Variants in ADAM23 observed in about 807,000 individuals in gnomAD.
ADAM23 encodes ADAM metallopeptidase domain 23.
In ADAM23, 33 loss-of-function variants were observed where a neutral mutation model predicts 120.1. The ratio of observed to expected loss-of-function variants is 0.27; its 90% confidence interval spans 0.21 to 0.37. ADAM23 has a LOEUF of 0.37. Among genes scored for constraint, ADAM23 ranks in the 10% least tolerant of loss-of-function variants. ADAM23 has a pLI of 1.00. For missense variants in ADAM23, 862 were observed against 1,058.2 expected (o/e 0.81, Z 2.57); for synonymous variants, 367 against 375.2 (o/e 0.98, Z 0.25).
In ADAM23 at chr2:206,444,011, G is replaced by T. The variant is rs1025437596; in HGVS notation, c.145G>T (p.Val49Phe). 2.1e-6 allele frequency: 3 copies of T among 1,408,394 alleles called. No individual in the cohort carries two copies. The highest frequency in any genetic ancestry group is 2.5e-5 in the Admixed American group (1 of 40,084). 87.2% of individuals were successfully genotyped at this position (1,408,394 alleles called of 1,614,324 possible). ...ARTPPCRLLL[V>F]LLLLPPLAAS... ...CACGCCGCCCTGCCGCCTGCTTCTCGTCCTTCTCCTGCTGCCTCCGCTCGC... is the reference window on the plus strand; with the variant it reads ...CACGCCGCCCTGCCGCCTGCTTCTCTTCCTTCTCCTGCTGCCTCCGCTCGC... Residue 49 changes from valine (V) to phenylalanine (F), a missense_variant, in exon 1 of 26, where the codon GTC (valine) becomes TTC (phenylalanine). By Grantham distance (50) the Val-to-Phe change is conservative. Coordinates refer to ENST00000264377, the MANE Select transcript of ADAM23 (RefSeq NM_003812.4).
At position 206,455,973 on chromosome 2, in the gene ADAM23, C is replaced by T. The variant is rs565274805; in HGVS notation, c.432+10449C>T. 3.3e-5 allele frequency among the ~76,000 whole-genome samples: 5 copies of T among 152,282 alleles called. No individual in the cohort carries two copies. In the South Asian group the frequency reaches 1.0e-3, roughly 32 times the overall value. On this transcript the variant is annotated intron_variant, in intron 2 of 25. Coordinates refer to ENST00000264377, the MANE Select transcript of ADAM23 (RefSeq NM_003812.4). ...TCTGAGCCCTCCAAACTGTTCCAAC[C>T]TCCGCCTGTTACCCAGTTCCAAAGG...
At position 206,574,189 on chromosome 2, in the gene ADAM23, G is replaced by A. The variant is rs147072307; in HGVS notation, c.1737+994G>A. On this transcript the variant is annotated intron_variant, in intron 18 of 25. Coordinates refer to ENST00000264377, the MANE Select transcript of ADAM23 (RefSeq NM_003812.4). ...ACGTCATCTTCATCATCATGTCAAC[G>A]TTCAAAAAGTTTCAGATTTTGGAGC... Among the ~76,000 whole-genome samples the A allele has an allele frequency of 1.3e-4, 20 of 152,212 alleles. No homozygotes were observed. In the East Asian group the frequency reaches 2.9e-3, roughly 22 times the overall value.
At chr2:206,459,981 C>T (rs1695381586) in intron 2 of ADAM23, among the ~76,000 whole-genome samples, 1 of 152,200 alleles carries the variant, frequency 6.6e-6, no homozygotes, top group South Asian at 2.1e-4. Flanking sequence ...GATTTTGTCC[C>T]TCTCCTATCA....
chr2:206,582,513 G>A (rs1441018154), intron 18 of ADAM23, among the ~76,000 whole-genome samples: 1 of 152,156 alleles, frequency 6.6e-6, no homozygotes, highest in Non-Finnish European at 1.5e-5. Flanking sequence ...TCTTTTAAGT[G>A]GAACATTTAG....
intron 18 of ADAM23, among the ~76,000 whole-genome samples, chr2:206,582,109 C>T (rs1288119215): frequency 6.6e-6 from 1 of 152,062 alleles, no homozygotes; most frequent in Admixed American, 6.6e-5. Flanking sequence ...AATTCTTGAC[C>T]CCAGGTGATC....
intron 3 of ADAM23, among the ~76,000 whole-genome samples, chr2:206,494,673 G>A (rs1279916532): frequency 2.6e-5 from 4 of 152,246 alleles, no homozygotes; most frequent in African/African-American, 4.8e-5. Flanking sequence ...ATAAATGGAA[G>A]TGATGGATTG....
In ADAM23 at chr2:206,618,773, A is replaced by G. The variant is rs1385714336; in HGVS notation, c.*1146A>G. 1 of 152,242 alleles carries G rather than the reference A, an allele frequency of 6.6e-6. No individual in the cohort carries two copies. The highest frequency in any genetic ancestry group is 1.5e-5 in the Non-Finnish European group (1 of 68,048). The allele number at this position is 152,242 out of a possible 1,614,324, so 9.4% of individuals were successfully genotyped here. ...CACAAAATTATGTAAATGGAAATAT[A>G]TGTACTAAGTTTCGAAAATTTTTTG... On this transcript the variant is annotated 3_prime_UTR_variant, in exon 26 of 26. Coordinates refer to ENST00000264377, the MANE Select transcript of ADAM23 (RefSeq NM_003812.4).
chr2:206,480,092 G>T (rs1415474330), intron 2 of ADAM23, among the ~76,000 whole-genome samples: 1 of 152,154 alleles, frequency 6.6e-6, no homozygotes, highest in Non-Finnish European at 1.5e-5. Flanking sequence ...CCACCCAGGG[G>T]AGGGATGGGA....
chr2:206,538,620 C>T (rs1017073003), intron 4 of ADAM23, among the ~76,000 whole-genome samples: 3 of 152,116 alleles, frequency 2.0e-5, no homozygotes, highest in African/African-American at 7.2e-5. Flanking sequence ...GTTTCATAAG[C>T]AGTAAAGAAC....
intron 2 of ADAM23, among the ~76,000 whole-genome samples, chr2:206,477,880 TAAAA>T (rs71034456): frequency 2.9e-4 from 32 of 109,160 alleles, no homozygotes; most frequent in Middle Eastern, 5.3e-3. Flanking sequence ...AATATTCTGT[TAAAA>T]AAAAAAAAAA....
rs910946255 is a variant in ADAM23 at position 206,567,417 on chromosome 2, C to A, written c.1494+95C>A. On this transcript the variant is annotated intron_variant, in intron 15 of 25. Coordinates refer to ENST00000264377, the MANE Select transcript of ADAM23 (RefSeq NM_003812.4). ...GATATCAGACGCCTGTCTTGGAAAG[C>A]AGGTTTCTTGTCAATCAGATTAATA... The A allele has an allele frequency of 3.5e-5, 34 of 970,074 alleles. 1 individual carries two copies. In the African/African-American group the frequency reaches 3.9e-4, roughly 11 times the overall value. The allele number at this position is 970,074 out of a possible 1,614,324, so 60.1% of individuals were successfully genotyped here.
chr2:206,519,855 A>G (rs79883004), intron 3 of ADAM23, among the ~76,000 whole-genome samples: 3,647 of 152,146 alleles, frequency 0.024, 59 homozygotes, highest in Non-Finnish European at 0.034. Context: ...CTACAAAAAA[A>G]TAAAAAAGAT....
chr2:206,587,388 A>G lies in ADAM23; in HGVS notation c.1788+13A>G, dbSNP rs745368532. ...CAATCAAAATCAGGTATGCTGGGCT[A>G]TAAATTTTAAGTGTAATTTAAAAAG... is the stretch of plus-strand genomic sequence containing the variant. On this transcript the variant is annotated intron_variant, in intron 19 of 25. Coordinates refer to ENST00000264377, the MANE Select transcript of ADAM23 (RefSeq NM_003812.4). The G allele has an allele frequency of 2.5e-6, 4 of 1,589,500 alleles. No individual in the cohort carries two copies. Among genetic ancestry groups the G allele is most frequent in the East Asian group, 4.5e-5 (2 of 44,568 alleles).
chr2:206,468,493 A>G (rs1695587541), intron 2 of ADAM23, among the ~76,000 whole-genome samples: 2 of 152,276 alleles, frequency 1.3e-5, no homozygotes, highest in East Asian at 1.9e-4. Context: ...GACCTTTGCT[A>G]TAGTTCCCAA....
chr2:206,450,095 C>G (rs1695161454), intron 2 of ADAM23, among the ~76,000 whole-genome samples: 1 of 152,166 alleles, frequency 6.6e-6, no homozygotes, highest in African/African-American at 2.4e-5. Flanking sequence ...TGGTATGGGA[C>G]AACAGAAAGA....
intron 3 of ADAM23, among the ~76,000 whole-genome samples, chr2:206,488,950 G>A (rs951855653): frequency 8.0e-5 from 12 of 150,742 alleles, no homozygotes; most frequent in African/African-American, 1.7e-4. Context: ...GCTGCAAACA[G>A]AAGGCAAACT....
chr2:206,594,434 C>T (rs1427034855), intron 22 of ADAM23, among the ~76,000 whole-genome samples: 6 of 152,142 alleles, frequency 3.9e-5, no homozygotes, highest in Admixed American at 3.9e-4. Context: ...CATATAGATA[C>T]TTCTCTCCTT....
intron 18 of ADAM23, among the ~76,000 whole-genome samples, chr2:206,582,651 C>A (rs951087280): frequency 3.9e-5 from 6 of 151,912 alleles, no homozygotes; most frequent in African/African-American, 1.4e-4. Context: ...TTTTATAGAT[C>A]CTGTGTGATT....
intron 3 of ADAM23, among the ~76,000 whole-genome samples, chr2:206,527,427 C>A (rs919354807): frequency 6.6e-6 from 1 of 152,182 alleles, no homozygotes; most frequent in Non-Finnish European, 1.5e-5. Flanking sequence ...TTCCCTTCTC[C>A]CTTTTTAGTG....
Sources: gnomAD v4.1 joint callset for allele counts (sites outside exome capture counted in the v4.1 genomes callset) on GRCh38, gnomAD v4.1.1 for gene constraint, MANE v1.5 for transcripts, NCBI Gene and HGNC (gene_info 2026-07-23, HGNC 2026-07-21) for gene names.